Variants in MBD5 observed in about 807,000 individuals in gnomAD.
MBD5 encodes methyl-CpG-binding domain protein 5.
A neutral mutation model predicts 117.3 loss-of-function variants in MBD5; 13 were observed. The observed-to-expected ratio is 0.11, with a 90% confidence interval of 0.07 to 0.18. The LOEUF (loss-of-function observed/expected upper bound fraction) is 0.18, where lower values mean the gene tolerates loss of function less well. MBD5 is among the 10% of genes least tolerant of loss of function. The probability of loss-of-function intolerance (pLI) is 1.00; values close to 1 mark genes in which losing one functional copy is unlikely to be tolerated. For synonymous variants in MBD5, 727 were observed against 766.4 expected (o/e 0.95, Z 0.85); for missense variants, 1,879 against 2,093.8 (o/e 0.90, Z 2.00).
chr2:148,351,633 A>C (rs1703252136), intron 4 of MBD5, among the ~76,000 whole-genome samples: 2 of 152,070 alleles, frequency 1.3e-5, no homozygotes, highest in African/African-American at 4.8e-5. Flanking sequence ...CTGATGAGTC[A>C]TCAATCTGGT....
chr2:148,478,117 G>A (rs1045469235), intron 8 of MBD5, among the ~76,000 whole-genome samples: 1 of 152,126 alleles, frequency 6.6e-6, no homozygotes, highest in African/African-American at 2.4e-5. Context: ...AAAAGAGGTA[G>A]ACATTAACTT....
intron 3 of MBD5, among the ~76,000 whole-genome samples, chr2:148,292,891 TA>T (rs59347845): frequency 0.18 from 24,464 of 135,122 alleles, 2,099 homozygotes; most frequent in Non-Finnish European, 0.2. Flanking sequence ...CATTCAGCCA[TA>T]AAAAAAAAAA....
At chr2:148,150,367 G>A (rs1697618897) in intron 1 of MBD5, among the ~76,000 whole-genome samples, 1 of 151,358 alleles carries the variant, frequency 6.6e-6, no homozygotes, top group African/African-American at 2.4e-5. Flanking sequence ...TTTGAAGTCA[G>A]GTAGTGTGAT....
In MBD5 at chr2:148,083,090, T is replaced by C. The variant is rs1451610140; in HGVS notation, c.-925+61406T>C. Among the ~76,000 whole-genome samples the C allele has an allele frequency of 2.0e-5, 3 of 152,180 alleles. No individual in the cohort carries two copies. The East Asian group carries it at 5.8e-4, about 29-fold the overall frequency. ...TCCCCGAATCTGAGCTCTGTTGTCA[T>C]GTTTGCCAGTTTTCATCACTAGTAA... On this transcript the variant is annotated intron_variant, in intron 1 of 13. Transcript: ENST00000642680.
intron 1 of MBD5, among the ~76,000 whole-genome samples, chr2:148,066,509 CAG>C (rs912812290): frequency 1.4e-5 from 2 of 141,734 alleles, no homozygotes; most frequent in African/African-American, 2.6e-5. Flanking sequence ...TTTGTTGAGA[CAG>C]AGTCTCGCTG....
At chr2:148,216,398 C>T (rs1413440190) in intron 2 of MBD5, among the ~76,000 whole-genome samples, 1 of 152,140 alleles carries the variant, frequency 6.6e-6, no homozygotes, top group Non-Finnish European at 1.5e-5. Flanking sequence ...AATCTGACTC[C>T]AGAAAGCAGT....
At chr2:148,454,320 A>G (rs752921881) in intron 4 of MBD5, among the ~76,000 whole-genome samples, 14 of 152,142 alleles carry the variant, frequency 9.2e-5, no homozygotes, top group Non-Finnish European at 1.6e-4. Flanking sequence ...TGATTGATAT[A>G]CCAATAGATG....
intron 1 of MBD5, chr2:148,068,601 C>T (rs1166452467): frequency 2.0e-5 from 3 of 152,320 alleles, no homozygotes; most frequent in Non-Finnish European, 2.9e-5. Flanking sequence ...CAGGTAACTT[C>T]TGTGGCAAAA....
chr2:148,304,033 G>C (rs1701833780), intron 3 of MBD5, among the ~76,000 whole-genome samples: 1 of 152,100 alleles, frequency 6.6e-6, no homozygotes, highest in Non-Finnish European at 1.5e-5. Flanking sequence ...TCTCTCAGCT[G>C]ATATTCCAGG....
At chr2:148,040,651 C>G (rs1355374222) in intron 1 of MBD5, among the ~76,000 whole-genome samples, 1 of 152,114 alleles carries the variant, frequency 6.6e-6, no homozygotes, top group Non-Finnish European at 1.5e-5. Flanking sequence ...ATTTTGATAA[C>G]AAACACAATT....
intron 1 of MBD5, among the ~76,000 whole-genome samples, chr2:148,088,855 C>A (rs1022976723): frequency 3.9e-5 from 6 of 151,980 alleles, no homozygotes; most frequent in Non-Finnish European, 7.4e-5. Flanking sequence ...CTCAAATCTC[C>A]ATACTAACAT....
intron 3 of MBD5, among the ~76,000 whole-genome samples, chr2:148,294,351 A>T (rs1452847898): frequency 6.7e-6 from 1 of 150,064 alleles, no homozygotes; most frequent in African/African-American, 2.5e-5. Context: ...CAGCCTCCCG[A>T]GTAGCTGGGA....
At chr2:148,409,173 C>G (rs1705177531) in intron 4 of MBD5, among the ~76,000 whole-genome samples, 1 of 151,764 alleles carries the variant, frequency 6.6e-6, no homozygotes, top group African/African-American at 2.4e-5. Context: ...TCACTTGAGC[C>G]CAGATATTTG....
chr2:148,107,986 G>C (rs1444216014), intron 1 of MBD5, among the ~76,000 whole-genome samples: 3 of 152,036 alleles, frequency 2.0e-5, no homozygotes, highest in Admixed American at 2.0e-4. Flanking sequence ...AGGTTTTGTG[G>C]ATCAAATGAG....
At chr2:148,464,491 T>C (rs1022533232) in intron 7 of MBD5, among the ~76,000 whole-genome samples, 4 of 152,136 alleles carry the variant, frequency 2.6e-5, no homozygotes, top group Non-Finnish European at 5.9e-5. Context: ...GAAGTTGCAG[T>C]TATTGTGACA....
intron 8 of MBD5, among the ~76,000 whole-genome samples, chr2:148,479,007 G>C (rs1356518617): frequency 1.3e-5 from 2 of 152,118 alleles, no homozygotes; most frequent in African/African-American, 4.8e-5. Context: ...CAGACCATAG[G>C]GTTTTTGTGC....
rs1270235015 is a variant in MBD5, at chr2:148,468,958, C to G, written c.1015C>G (p.Pro339Ala). ...CAAACCACCCCAAGGCCCACCTCCC[C>G]CTCCTCCACCTTCTTGTGCTCTTCA... ...HHKPPQGPPP[P>A]PPPSCALQKK... is the part of the protein sequence containing the mutation. Residue 339 changes from proline (P) to alanine (A), a missense_variant, in exon 8 of 14, where the codon CCT (proline) becomes GCT (alanine). Pro to Ala is a conservative substitution (Grantham distance 27). This residue lies in a region of MBD5 where 1,666 missense variants were observed against 1,792.2 expected (regional missense o/e 0.93). Coordinates refer to ENST00000642680, the MANE Select transcript of MBD5 (RefSeq NM_001378120.1). 1.2e-6 allele frequency: 2 copies of G among 1,613,724 alleles called. No homozygotes were observed. The highest frequency in any genetic ancestry group is 1.1e-5 in the South Asian group (1 of 91,078).
chr2:148,254,940 C>A (rs1286318499), intron 3 of MBD5, among the ~76,000 whole-genome samples: 1 of 152,192 alleles, frequency 6.6e-6, no homozygotes, highest in Non-Finnish European at 1.5e-5. Context: ...CCAAAGCTTG[C>A]TGCATCATGT....
intron 3 of MBD5, among the ~76,000 whole-genome samples, chr2:148,299,143 TTTTGAAACAGAGTCTAG>T (rs1274771853): frequency 6.6e-6 from 1 of 152,052 alleles, no homozygotes; most frequent in East Asian, 1.9e-4. Flanking sequence ...TCTTTTTTTT[TTTTGAAACAGAGTCTAG>T]CTCTGTCGCC....
Sources: allele counts gnomAD v4.1 joint callset (sites outside exome capture counted in the v4.1 genomes callset), GRCh38; gene constraint gnomAD v4.1.1; regional missense constraint gnomAD v4.1.1; transcripts MANE v1.5; gene names NCBI Gene and HGNC (gene_info 2026-07-23, HGNC 2026-07-21).